Variants in IKBKB observed in about 807,000 individuals in gnomAD.
The protein encoded by IKBKB is inhibitor of nuclear factor kappa-B kinase subunit beta.
A neutral mutation model predicts 113.6 loss-of-function variants in IKBKB; 42 were observed. The observed-to-expected ratio is 0.37, with a 90% CI of 0.29 to 0.48. IKBKB has a LOEUF of 0.48. IKBKB is among the 20% of genes least tolerant of loss of function. The pLI is 0.99. For missense variants in IKBKB, 673 were observed against 939.7 expected (o/e 0.72, Z 3.71); for synonymous variants, 296 against 361.3 (o/e 0.82, Z 2.05).
Position 42,331,871 on chromosome 8 carries a change from A to G in IKBKB, c.*892A>G, listed in dbSNP as rs1821725835. ...GGGCCGGGGAGTCCCTGTCTCTCAC[A>G]GCATCTAGCAGTATTATTAAATGGA... On this transcript the variant is annotated 3_prime_UTR_variant, in exon 22 of 22. Coordinates refer to ENST00000520810, the MANE Select transcript of IKBKB (RefSeq NM_001556.3). 2 of 183,074 alleles carry G rather than the reference A, an allele frequency of 1.1e-5. No homozygotes were observed. Among genetic ancestry groups the G allele is most frequent in the South Asian group, 2.1e-4 (2 of 9,364 alleles). 11.3% of individuals were successfully genotyped at this position (183,074 alleles called of 1,614,324 possible).
At chr8:42,318,730 T>G in intron 13 of IKBKB, 55 bp downstream of exon 13, 1 of 1,516,840 alleles carries the variant, frequency 6.6e-7, no homozygotes, top group Non-Finnish European at 8.9e-7. Context: ...CCTTGGTGGC[T>G]TTGGCCACAG....
chr8:42,323,106 C>T (rs975791068), intron 19 of IKBKB, among the ~76,000 whole-genome samples: 2 of 152,164 alleles, frequency 1.3e-5, no homozygotes, highest in African/African-American at 4.8e-5. Flanking sequence ...CCCTGTGTCC[C>T]TTATCTGGGT....
rs556016502 is a variant in IKBKB at position 42,304,119 on chromosome 8, A to G, written c.389-1068A>G. Among the ~76,000 whole-genome samples, 6 of 152,328 alleles carry G rather than the reference A, an allele frequency of 3.9e-5. No homozygotes were observed. The East Asian group carries it at 1.2e-3, about 29-fold the overall frequency. On this transcript the variant is annotated intron_variant, in intron 5 of 21. Transcript: ENST00000520810. ...CACTGCAACTGGATATAGCTAACATAGAGAAAAGCTATTGACTTGTGTATT... is the reference window on the plus strand; with the variant it reads ...CACTGCAACTGGATATAGCTAACATGGAGAAAAGCTATTGACTTGTGTATT...
intron 2 of IKBKB, chr8:42,272,406 C>T (rs562963369): frequency 1.6e-6 from 1 of 629,998 alleles, no homozygotes; most frequent in South Asian, 1.9e-5. Context: ...TTGACTATGT[C>T]ACCTAAATAA....
intron 2 of IKBKB, among the ~76,000 whole-genome samples, chr8:42,272,721 C>T (rs1029584204): frequency 3.3e-5 from 5 of 151,890 alleles, no homozygotes; most frequent in African/African-American, 7.3e-5. Context: ...AGGCGGATCA[C>T]GCAGTCAGGA....
intron 2 of IKBKB, among the ~76,000 whole-genome samples, chr8:42,273,085 TGACAGAGTGA>T (rs1808172305): frequency 6.6e-6 from 1 of 151,914 alleles, no homozygotes; most frequent in South Asian, 2.1e-4. Flanking sequence ...CTAGCCTAGG[TGACAGAGTGA>T]GACCTTGTTT....
intron 20 of IKBKB, among the ~76,000 whole-genome samples, chr8:42,327,827 G>A (rs1249998546): frequency 0.06 from 100 of 1,654 alleles, no homozygotes; most frequent in East Asian, 0.5. Context: ...TTTTTGAGAC[G>A]GAGTCTCGCT....
chr8:42,328,677 A>G (rs1821266934), intron 20 of IKBKB, among the ~76,000 whole-genome samples: 1 of 152,240 alleles, frequency 6.6e-6, no homozygotes, highest in Non-Finnish European at 1.5e-5. Flanking sequence ...GAGAGATCAG[A>G]TTAGATGAAA....
chr8:42,309,141 T>G, intron 8 of IKBKB, 116 bp downstream of exon 8: 6 of 1,216,420 alleles, frequency 4.9e-6, no homozygotes, highest in Non-Finnish European at 6.9e-6. Flanking sequence ...GTTGTTTCTC[T>G]TCCGAGAGGA....
At position 42,285,177 on chromosome 8, in the gene IKBKB, C is replaced by A. The variant is rs552650841; in HGVS notation, c.106-3457C>A. 1.4e-4 allele frequency among the ~76,000 whole-genome samples: 21 copies of A among 152,234 alleles called. No homozygotes were observed. In the South Asian group the frequency reaches 3.5e-3, roughly 26 times the overall value. ...GGCCAGAAATGTTATTCTTTTGACA[C>A]ATTCCCTAATTCTTGAAAAGCTTGA... is the stretch of plus-strand genomic sequence containing the variant. On this transcript the variant is annotated intron_variant, in intron 2 of 21. Coordinates refer to ENST00000520810, the MANE Select transcript of IKBKB (RefSeq NM_001556.3).
rs187328488 is a variant in IKBKB at position 42,297,383 on chromosome 8, C to G, written c.388+3871C>G. Among the ~76,000 whole-genome samples, 173 of 152,250 alleles carry G rather than the reference C, an allele frequency of 1.1e-3. 2 individuals carry two copies. In the Middle Eastern group the frequency reaches 0.017, roughly 15 times the overall value. ...TTGGAGTTGCCACTGCTGTTCTCTG[C>G]CAGGTTGACTTCAGATAAGTGGCAG... On this transcript the variant is annotated intron_variant, in intron 5 of 21. Coordinates refer to ENST00000520810, the MANE Select transcript of IKBKB (RefSeq NM_001556.3).
intron 4 of IKBKB, among the ~76,000 whole-genome samples, chr8:42,292,483 T>G (rs1812843767): frequency 6.6e-6 from 1 of 152,194 alleles, no homozygotes; most frequent in African/African-American, 2.4e-5. Flanking sequence ...TGTCTTGTTA[T>G]GTGTTGTTTC....
chr8:42,294,586 G>T (rs1468570162), intron 5 of IKBKB, among the ~76,000 whole-genome samples: 1 of 152,194 alleles, frequency 6.6e-6, no homozygotes, highest in Non-Finnish European at 1.5e-5. Flanking sequence ...GTCAAGCAAT[G>T]ACATATTTAA....
chr8:42,313,097 A>C (rs1818029969), intron 8 of IKBKB, among the ~76,000 whole-genome samples: 1 of 152,186 alleles, frequency 6.6e-6, no homozygotes, highest in Non-Finnish European at 1.5e-5. Context: ...TTGGTTATCT[A>C]TGAAGTATTA....
At chr8:42,303,119 ATGAG>A (rs988441561) in intron 5 of IKBKB, among the ~76,000 whole-genome samples, 4 of 83,616 alleles carry the variant, frequency 4.8e-5, no homozygotes, top group South Asian at 3.8e-4. Flanking sequence ...GAGAGAGAGA[ATGAG>A]AGAGAGAGAG....
chr8:42,330,244 T>C, intron 21 of IKBKB: 1 of 985,334 alleles, frequency 1.0e-6, no homozygotes, highest in Non-Finnish European at 1.2e-6. Context: ...TCTGAGCCAA[T>C]TCAAAGAAAA....
At chr8:42,318,262 C>CA (rs1234811746) in intron 12 of IKBKB, among the ~76,000 whole-genome samples, 6,218 of 120,274 alleles carry the variant, frequency 0.052, 141 homozygotes, top group African/African-American at 0.07. Flanking sequence ...GACCTTGTCT[C>CA]AAAAAAAAAA....
chr8:42,320,843 C>G lies in IKBKB; in HGVS notation c.1687C>G (p.Leu563Val). The G allele has an allele frequency of 6.3e-7, 1 of 1,576,884 alleles. No homozygotes were observed. The highest frequency in any genetic ancestry group is 8.6e-7 in the Non-Finnish European group (1 of 1,159,982). The change falls in exon 16 of 22, where the codon CTA becomes GTA. Residue 563 changes from leucine (L) to valine (V), a missense_variant and splice_region_variant. Around this residue, in one of 2 missense-constraint regions of IKBKB, gnomAD observed 506 missense variants for 638.7 expected, o/e 0.79. Coordinates refer to ENST00000520810, the MANE Select transcript of IKBKB (RefSeq NM_001556.3). Reference sequence around the variant, plus strand: ...GAAGCAGGGGGGAACGCTGGACGACCTGTGAGTACTGGCTGGGGGGCCCCT... The same window carrying G: ...GAAGCAGGGGGGAACGCTGGACGACGTGTGAGTACTGGCTGGGGGGCCCCT... ...GRKQGGTLDD[L>V]EEQARELYRR...
chr8:42,308,422 T>C (rs1172276656), intron 7 of IKBKB, among the ~76,000 whole-genome samples: 1 of 152,010 alleles, frequency 6.6e-6, no homozygotes, highest in Non-Finnish European at 1.5e-5. Flanking sequence ...CTCAGCCTCC[T>C]GAATAGCTGG....
Sources: gnomAD v4.1 joint callset for allele counts (sites outside exome capture counted in the v4.1 genomes callset) on GRCh38, gnomAD v4.1.1 for gene constraint, gnomAD v4.1.1 regional missense constraint, MANE v1.5 for transcripts, NCBI Gene and HGNC (gene_info 2026-07-23, HGNC 2026-07-21) for gene names.